The following COL6A6 variants were observed in gnomAD, a reference collection of about 807,000 sequenced individuals.
COL6A6 encodes collagen alpha-6(VI) chain.
A neutral mutation model predicts 208.6 loss-of-function variants in COL6A6; 183 were observed. That is an observed-to-expected ratio of 0.88 (90% CI 0.78 to 0.99). COL6A6 has a LOEUF of 0.99. Among genes scored for constraint, COL6A6 ranks in the 50% least tolerant of loss-of-function variants. The probability of loss-of-function intolerance (pLI) is 0.00; values close to 1 mark genes in which losing one functional copy is unlikely to be tolerated. For synonymous variants in COL6A6, 973 were observed against 1,011.8 expected, an observed-to-expected ratio of 0.96 and a Z score of 0.73; for missense variants, 2,816 against 2,815.2, an observed-to-expected ratio of 1.00 and a Z score of -0.01.
intron 10 of COL6A6, 77 bp from the exon 11 acceptor site, chr3:130,586,429 A>G: frequency 7.4e-7 from 1 of 1,343,432 alleles, no homozygotes; most frequent in Non-Finnish European, 1.0e-6. Flanking sequence ...ACTGAGAATA[A>G]CAATTTAAAT....
intron 18 of COL6A6, among the ~76,000 whole-genome samples, chr3:130,595,956 G>T (rs1033083737): frequency 6.6e-6 from 1 of 152,106 alleles, no homozygotes; most frequent in African/African-American, 2.4e-5. Flanking sequence ...TCATCAGAAT[G>T]GTTACAATTT....
At chr3:130,540,772 C>G (rs1457703664) in intron 1 of COL6A6, among the ~76,000 whole-genome samples, 1 of 152,096 alleles carries the variant, frequency 6.6e-6, no homozygotes, top group African/African-American at 2.4e-5. Flanking sequence ...GGTTCCTGTT[C>G]CTGCATTAGT....
chr3:130,672,489 G>A (rs1314093337), intron 36 of COL6A6, among the ~76,000 whole-genome samples: 1 of 150,962 alleles, frequency 6.6e-6, no homozygotes, highest in Non-Finnish European at 1.5e-5. Context: ...TGCAACCTCT[G>A]CCTCCCGGGT....
chr3:130,575,806 C>G (rs540318386), intron 8 of COL6A6, among the ~76,000 whole-genome samples: 22 of 152,298 alleles, frequency 1.4e-4, no homozygotes, highest in South Asian at 1.0e-3. Flanking sequence ...AAGCTGGGTC[C>G]ATTCATAGGT....
At chr3:130,528,880 G>A (rs528646284) in intron 1 of COL6A6, among the ~76,000 whole-genome samples, 43 of 152,248 alleles carry the variant, frequency 2.8e-4, no homozygotes, top group African/African-American at 9.9e-4. Context: ...TCACAAGGTC[G>A]GAAGATCGAA....
At chr3:130,615,065 T>C (rs2064476884) in intron 23 of COL6A6, among the ~76,000 whole-genome samples, 1 of 151,862 alleles carries the variant, frequency 6.6e-6, no homozygotes, top group African/African-American at 2.4e-5. Flanking sequence ...TGGTTTTCTC[T>C]TGCATTTATT....
intron 12 of COL6A6, among the ~76,000 whole-genome samples, chr3:130,590,620 T>G (rs1277531207): frequency 6.6e-6 from 1 of 151,814 alleles, no homozygotes; most frequent in Non-Finnish European, 1.5e-5. Flanking sequence ...CAGGCTGGAG[T>G]GCAGTGGTGC....
At chr3:130,599,942 T>A (rs915851082) in intron 20 of COL6A6, 132 bp downstream of exon 20, 1 of 796,496 alleles carries the variant, frequency 1.3e-6, no homozygotes, top group Non-Finnish European at 2.1e-6. Flanking sequence ...ACTTATGACA[T>A]CTCGCAGACC....
At chr3:130,529,131 T>A (rs1479268538) in intron 1 of COL6A6, among the ~76,000 whole-genome samples, 2 of 152,020 alleles carry the variant, frequency 1.3e-5, no homozygotes, top group Non-Finnish European at 2.9e-5. Context: ...GGCCTCAATC[T>A]CATTTGATAG....
chr3:130,635,831 T>A, intron 28 of COL6A6, 70 bp downstream of exon 28: 2 of 1,155,320 alleles, frequency 1.7e-6, no homozygotes, highest in Non-Finnish European at 2.5e-6. Flanking sequence ...GCATTTACAA[T>A]AATTTGAGTT....
chr3:130,664,536 C>T (rs903841932), intron 35 of COL6A6, among the ~76,000 whole-genome samples: 2 of 152,182 alleles, frequency 1.3e-5, no homozygotes, highest in African/African-American at 4.8e-5. Context: ...AATTAATACA[C>T]TTCCAAATGA....
chr3:130,656,270 T>C (rs2065786815), intron 33 of COL6A6, among the ~76,000 whole-genome samples: 1 of 152,222 alleles, frequency 6.6e-6, no homozygotes, highest in Non-Finnish European at 1.5e-5. Context: ...TTGTCCTGCA[T>C]CCTGGAAGAA....
chr3:130,565,570 A>G lies in COL6A6; in HGVS notation c.1238A>G (p.His413Arg), dbSNP rs1474544131. The change falls in exon 4 of 37, where the codon CAC becomes CGC. Residue 413 changes from histidine to arginine, a missense_variant. By Grantham distance (29) the His-to-Arg change is conservative. Coordinates refer to ENST00000358511, the MANE Select transcript of COL6A6 (RefSeq NM_001102608.3). The stretch of plus-strand genomic sequence containing the variant: ...AAGAAGCTGCGGAACCAAATAACAC[A>G]CACAGTCTCTGTCTTTTCAGAGAGG... Reference protein sequence around the residue: ...FLKKLRNQITHTVSVFSERTE... With the variant: ...FLKKLRNQITRTVSVFSERTE... 1.2e-6 allele frequency: 2 copies of G among 1,613,624 alleles called. No homozygotes were observed. The highest frequency in any genetic ancestry group is 1.7e-6 in the Non-Finnish European group (2 of 1,179,702).
At chr3:130,552,564 C>A (rs1013327477) in intron 1 of COL6A6, among the ~76,000 whole-genome samples, 9 of 152,154 alleles carry the variant, frequency 5.9e-5, no homozygotes, top group Non-Finnish European at 8.8e-5. Context: ...AGACAGCATA[C>A]TATTAGGTTG....
At chr3:130,620,773 C>T (rs774539409) in intron 23 of COL6A6, among the ~76,000 whole-genome samples, 7 of 152,122 alleles carry the variant, frequency 4.6e-5, no homozygotes, top group East Asian at 3.9e-4. Context: ...TTGTTCTGAA[C>T]GAAATAAATT....
At chr3:130,550,072 C>T (rs1210574853) in intron 1 of COL6A6, among the ~76,000 whole-genome samples, 9 of 151,982 alleles carry the variant, frequency 5.9e-5, no homozygotes, top group African/African-American at 1.9e-4. Flanking sequence ...GTGGCTAATG[C>T]GAGTGGGATC....
intron 1 of COL6A6, among the ~76,000 whole-genome samples, chr3:130,545,121 C>T (rs983711052): frequency 2.6e-5 from 4 of 152,144 alleles, no homozygotes; most frequent in Non-Finnish European, 5.9e-5. Flanking sequence ...AGACTTTTCT[C>T]CTATCTTTTC....
chr3:130,553,856 G>GT (rs894279890), intron 1 of COL6A6, among the ~76,000 whole-genome samples: 29 of 24,068 alleles, frequency 1.2e-3, no homozygotes, highest in African/African-American at 1.6e-3. Context: ...GTTTTTTTTT[G>GT]TTTTGTTTTG....
At chr3:130,625,128 A>G (rs564136857) in intron 24 of COL6A6, among the ~76,000 whole-genome samples, 17 of 152,330 alleles carry the variant, frequency 1.1e-4, no homozygotes, top group African/African-American at 3.8e-4. Flanking sequence ...TTCTTGACAC[A>G]TGAACCCTGG....
Sources: allele counts gnomAD v4.1 joint callset (sites outside exome capture counted in the v4.1 genomes callset), GRCh38; gene constraint gnomAD v4.1.1; transcripts MANE v1.5; gene names NCBI Gene and HGNC (gene_info 2026-07-23, HGNC 2026-07-21).